NOS1: variants seen among roughly 807,000 people sequenced by gnomAD.
NOS1 encodes nitric oxide synthase 1.
NOS1 carries 51 observed loss-of-function variants against 164.5 expected under a neutral mutation model. The ratio of observed to expected loss-of-function variants is 0.31; its 90% CI spans 0.25 to 0.39. The LOEUF (loss-of-function observed/expected upper bound fraction) is 0.39, where lower values mean the gene tolerates loss of function less well. Among genes scored for constraint, NOS1 ranks in the 10% least tolerant of loss-of-function variants. NOS1 has a pLI of 1.00. For missense variants in NOS1, 1,362 were observed against 1,885.6 expected, an observed-to-expected ratio of 0.72 and a Z score of 5.14; for synonymous variants, 719 against 745.8, an observed-to-expected ratio of 0.96 and a Z score of 0.59.
intron 2 of NOS1, among the ~76,000 whole-genome samples, chr12:117,315,336 T>C (rs1566072834): frequency 6.6e-6 from 1 of 152,116 alleles, no homozygotes; most frequent in Admixed American, 6.5e-5. Context: ...CCCTAGTAGC[T>C]GGGATTATAG....
chr12:117,268,256 ACT>A, intron 10 of NOS1, 112 bp from the exon 11 acceptor site: 1 of 738,256 alleles, frequency 1.4e-6, no homozygotes, highest in Non-Finnish European at 2.3e-6. Flanking sequence ...TTTTAAATGG[ACT>A]CTCGCTCTGT....
At chr12:117,304,110 T>C (rs7486002) in intron 3 of NOS1, among the ~76,000 whole-genome samples, 17,546 of 151,792 alleles carry the variant, frequency 0.12, 1,417 homozygotes, top group Non-Finnish European at 0.17. Flanking sequence ...AGGTGGAGCT[T>C]GCAGTGAGCC....
rs1870713801 is a variant in NOS1, at chr12:117,247,508, C to T, written c.2663G>A (p.Gly888Asp). Residue 888 changes from glycine to aspartate, a missense_variant, in exon 18 of 29, where the codon GGC (glycine) becomes GAC (aspartate). Transcript: ENST00000317775. ...GTGAGGGTATGCTCGTGAGCCGAGGCCAAAAACTGAGAACCTGTCAAGGAG... is the reference window on the plus strand; with the variant it reads ...GTGAGGGTATGCTCGTGAGCCGAGGTCAAAAACTGAGAACCTGTCAAGGAG... The part of the protein sequence containing the change: ...PLANVRFSVF[G>D]LGSRAYPHFC... 6.2e-7 allele frequency: 1 copy of T among 1,607,736 alleles called. No homozygotes were observed. Among genetic ancestry groups the T allele is most frequent in the Non-Finnish European group, 8.5e-7 (1 of 1,177,646 alleles).
At chr12:117,303,302 C>T (rs952663339) in intron 3 of NOS1, among the ~76,000 whole-genome samples, 1 of 152,182 alleles carries the variant, frequency 6.6e-6, no homozygotes, top group Non-Finnish European at 1.5e-5. Context: ...TGTCCCCCAC[C>T]TTTCTCATAA....
At chr12:117,271,498 G>A (rs533727928) in intron 10 of NOS1, among the ~76,000 whole-genome samples, 2 of 152,196 alleles carry the variant, frequency 1.3e-5, no homozygotes, top group African/African-American at 2.4e-5. Context: ...GGCTGGTCTC[G>A]AACTCCAGGC....
intron 3 of NOS1, chr12:117,301,890 T>A: frequency 2.4e-6 from 1 of 425,438 alleles, no homozygotes; most frequent in Non-Finnish European, 4.8e-6. Flanking sequence ...TCGCAATATA[T>A]TATTTAGCCA....
chr12:117,228,907 G>A (rs902315432), intron 22 of NOS1, among the ~76,000 whole-genome samples: 1 of 151,990 alleles, frequency 6.6e-6, no homozygotes, highest in Admixed American at 6.6e-5. Context: ...TCAGCCTCCC[G>A]AGTAGCTGGG....
At chr12:117,222,915 G>A in intron 25 of NOS1, 52 bp from the exon 26 acceptor site, 2 of 1,582,458 alleles carry the variant, frequency 1.3e-6, no homozygotes, top group Non-Finnish European at 1.7e-6. Context: ...CTGATGTGCA[G>A]GGTGGCTGAG....
chr12:117,211,219 A>G lies in NOS1; in HGVS notation c.*4090T>C, dbSNP rs1238482114. 2 of 982,016 alleles carry G rather than the reference A, an allele frequency of 2.0e-6. No homozygotes were observed. The highest frequency in any genetic ancestry group is 2.4e-6 in the Non-Finnish European group (2 of 826,892). The allele number at this position is 982,016 out of a possible 1,614,324, so 60.8% of individuals were successfully genotyped here. A position where few individuals can be genotyped will look rare whatever the true frequency, so the allele number is the denominator to read the frequency against. On this transcript the variant is annotated 3_prime_UTR_variant, in exon 29 of 29. Transcript: ENST00000317775. Reference sequence around the variant, plus strand: ...CTGATACACCCACCTCGGCCTCCCAAAGTGCTGGGATTACAGACATGAGCT... The same window carrying G: ...CTGATACACCCACCTCGGCCTCCCAGAGTGCTGGGATTACAGACATGAGCT...
chr12:117,278,990 A>G (rs1334062896), intron 8 of NOS1, among the ~76,000 whole-genome samples: 2 of 151,288 alleles, frequency 1.3e-5, no homozygotes, highest in East Asian at 3.9e-4. Context: ...TTTAACATTA[A>G]AAATAAAAAT....
intron 2 of NOS1, among the ~76,000 whole-genome samples, chr12:117,323,766 C>A (rs1022445437): frequency 6.6e-6 from 1 of 151,962 alleles, no homozygotes; most frequent in Non-Finnish European, 1.5e-5. Context: ...TGCCTAGTGT[C>A]CCTTTAATTT....
Position 117,265,429 on chromosome 12 carries a change from C to A in NOS1, c.2023G>T (p.Gly675Trp). The A allele has an allele frequency of 1.3e-6, 2 of 1,590,836 alleles. No homozygotes were observed. Among genetic ancestry groups the A allele is most frequent in the East Asian group, 2.3e-5 (1 of 43,892 alleles). Reference protein sequence around the residue: ...KHMENEYRCRGGCPADWVWIV... With the variant: ...KHMENEYRCRWGCPADWVWIV... Reference sequence around the variant, plus strand: ...CACACCCAGTCGGCAGGGCAGCCCCCCCGGCAGCGGTACTCATTCTCCATG... The same window carrying A: ...CACACCCAGTCGGCAGGGCAGCCCCACCGGCAGCGGTACTCATTCTCCATG... The change falls in exon 12 of 29, where the codon GGG (glycine) becomes TGG (tryptophan). Residue 675 changes from glycine to tryptophan, a missense_variant. Around this residue, in one of 4 missense-constraint regions of NOS1, gnomAD observed 737 missense variants for 1,030.3 expected, o/e 0.72. Transcript: ENST00000317775.
At chr12:117,339,328 A>ATGATATGATGCCCATATCTC (rs1875986985) in intron 1 of NOS1, among the ~76,000 whole-genome samples, 1 of 152,222 alleles carries the variant, frequency 6.6e-6, no homozygotes, top group Admixed American at 6.5e-5. Context: ...CAGAGGTAGT[A>ATGATATGATGCCCATATCTC]ACAGGCTCAG....
chr12:117,277,839 C>A, intron 9 of NOS1, 120 bp downstream of exon 9: 1 of 1,220,174 alleles, frequency 8.2e-7, no homozygotes, highest in Middle Eastern at 2.9e-4. Context: ...AACCAAGCCC[C>A]CCTTTCCCCT....
intron 1 of NOS1, among the ~76,000 whole-genome samples, chr12:117,359,850 G>C (rs116762246): frequency 0.026 from 3,074 of 119,784 alleles, 158 homozygotes; most frequent in African/African-American, 0.088. Flanking sequence ...TCCCAGATCC[G>C]GTCCCAGAGC....
At chr12:117,240,257 C>T (rs778645370) in intron 20 of NOS1, among the ~76,000 whole-genome samples, 3 of 152,134 alleles carry the variant, frequency 2.0e-5, no homozygotes, top group Non-Finnish European at 4.4e-5. Context: ...ACTAATTATT[C>T]AGAGATTAAT....
At chr12:117,352,885 T>C (rs1279191658) in intron 1 of NOS1, among the ~76,000 whole-genome samples, 2 of 152,214 alleles carry the variant, frequency 1.3e-5, no homozygotes, top group African/African-American at 4.8e-5. Flanking sequence ...CTCCCAACTT[T>C]ATGATAAAGT....
chr12:117,234,442 G>A lies in NOS1; in HGVS notation c.3235+123C>T. 9.9e-7 allele frequency: 1 copy of A among 1,007,874 alleles called. No homozygotes were observed. The highest frequency in any genetic ancestry group is 1.4e-6 in the Non-Finnish European group (1 of 691,574). The allele number at this position is 1,007,874 out of a possible 1,614,324, so 62.4% of individuals were successfully genotyped here. ...GGGGATATCTTTAGTCTCATAGGCTGTTAGCAACAGACACCCACTCTCCTG... is the reference window on the plus strand; with the variant it reads ...GGGGATATCTTTAGTCTCATAGGCTATTAGCAACAGACACCCACTCTCCTG... On this transcript the variant is annotated intron_variant, in intron 21 of 28. Transcript: ENST00000317775. This position sits in a 1 kb window ranked among gnomAD's most constrained non-coding sequence, Gnocchi z 4.3.
chr12:117,235,062 C>T (rs541870890), intron 20 of NOS1, among the ~76,000 whole-genome samples: 2 of 152,146 alleles, frequency 1.3e-5, no homozygotes, highest in African/African-American at 2.4e-5. Flanking sequence ...GGACTATAGG[C>T]AGGCACCGTC....
Sources: allele counts gnomAD v4.1 joint callset (sites outside exome capture counted in the v4.1 genomes callset), GRCh38; gene constraint gnomAD v4.1.1; regional missense constraint gnomAD v4.1.1; non-coding constraint Gnocchi (gnomAD v3.1); transcripts MANE v1.5; gene names NCBI Gene and HGNC (gene_info 2026-07-23, HGNC 2026-07-21).